DNAH9: variants seen among roughly 807,000 people sequenced by gnomAD.
DNAH9 encodes the protein dynein axonemal heavy chain 9.
A neutral mutation model predicts 471.6 loss-of-function variants in DNAH9; 345 were observed. That is an observed-to-expected ratio of 0.73 (90% confidence interval 0.67 to 0.80). DNAH9 has a LOEUF of 0.80. Ranked by LOEUF, DNAH9 falls within the 30% of genes least tolerant of loss-of-function variation. The pLI is 0.00. For missense variants in DNAH9, 5,407 were observed against 5,609.2 expected (o/e 0.96, Z 1.15); for synonymous variants, 2,093 against 2,123.6 (o/e 0.99, Z 0.40).
intron 22 of DNAH9, among the ~76,000 whole-genome samples, chr17:11,696,746 T>A (rs1260136228): frequency 6.6e-6 from 1 of 152,212 alleles, no homozygotes; most frequent in African/African-American, 2.4e-5. Context: ...TCCAAAGTAG[T>A]CCAGGTGTGG....
chr17:11,696,928 G>A (rs9904296), intron 22 of DNAH9, among the ~76,000 whole-genome samples: 2,509 of 152,026 alleles, frequency 0.017, 77 homozygotes, highest in African/African-American at 0.056. Context: ...GGAGTGCAGT[G>A]GCATGATCAT....
At chr17:11,953,284 ACTCAGT>A (rs1206979835) in intron 67 of DNAH9, among the ~76,000 whole-genome samples, 1 of 151,884 alleles carries the variant, frequency 6.6e-6, no homozygotes, top group African/African-American at 2.4e-5. Flanking sequence ...CTGTACCCAG[ACTCAGT>A]GGTTCTACCA....
intron 49 of DNAH9, among the ~76,000 whole-genome samples, chr17:11,844,558 A>G (rs917727983): frequency 6.6e-6 from 1 of 151,962 alleles, no homozygotes; most frequent in Non-Finnish European, 1.5e-5. Context: ...GGCGCACACC[A>G]CCATGCCCGA....
At chr17:11,628,770 C>T (rs2073013452) in intron 6 of DNAH9, among the ~76,000 whole-genome samples, 1 of 152,182 alleles carries the variant, frequency 6.6e-6, no homozygotes, top group African/African-American at 2.4e-5. Flanking sequence ...AGCGATAAAG[C>T]TACCAATTAT....
chr17:11,619,560 C>T lies in DNAH9; in HGVS notation c.1129C>T (p.Leu377Phe), dbSNP rs2072811842. 1 of 1,611,462 alleles carries T rather than the reference C, an allele frequency of 6.2e-7. No homozygotes were observed. The highest frequency in any genetic ancestry group is 2.2e-5 in the East Asian group (1 of 44,874). The change falls in exon 6 of 69, where the codon CTC (leucine) becomes TTC (phenylalanine). Residue 377 changes from leucine (L) to phenylalanine (F), a missense_variant. Around this residue, in one of 3 missense-constraint regions of DNAH9, gnomAD observed 767 missense variants for 692.5 expected, o/e 1.11. Coordinates refer to ENST00000262442, the MANE Select transcript of DNAH9 (RefSeq NM_001372.4). ...GTTTGTATACCAGGCCTCTAATTATCTCAGCCCAGAAGACCTGCTGAGAAG... is the reference window on the plus strand; with the variant it reads ...GTTTGTATACCAGGCCTCTAATTATTTCAGCCCAGAAGACCTGCTGAGAAG... The part of the protein sequence containing the change: ...NLLIQQASNY[L>F]SPEDLLRSEV...
chr17:11,635,828 T>C (rs2073153696), intron 8 of DNAH9, among the ~76,000 whole-genome samples: 1 of 152,134 alleles, frequency 6.6e-6, no homozygotes, highest in Admixed American at 6.5e-5. Context: ...CAGAGAAAGG[T>C]CAGCATCACT....
At chr17:11,818,671 T>C (rs1467357126) in intron 45 of DNAH9, among the ~76,000 whole-genome samples, 1 of 152,140 alleles carries the variant, frequency 6.6e-6, no homozygotes, top group Non-Finnish European at 1.5e-5. Flanking sequence ...AGACTTGTTC[T>C]AGAAATGGGA....
At chr17:11,871,060 T>C (rs1972244529) in intron 51 of DNAH9, among the ~76,000 whole-genome samples, 1 of 152,154 alleles carries the variant, frequency 6.6e-6, no homozygotes, top group Non-Finnish European at 1.5e-5. Context: ...AGGGAGACTG[T>C]ACCAACCCAA....
chr17:11,891,366 G>T (rs1020374127), intron 57 of DNAH9, among the ~76,000 whole-genome samples: 23 of 151,730 alleles, frequency 1.5e-4, no homozygotes, highest in African/African-American at 5.3e-4. Context: ...GGTTTTTTTT[G>T]TTTGTTTGTT....
chr17:11,799,357 T>C (rs775438324), intron 43 of DNAH9, among the ~76,000 whole-genome samples: 19 of 150,992 alleles, frequency 1.3e-4, no homozygotes, highest in Non-Finnish European at 2.4e-4. Flanking sequence ...TTTTAAAAAT[T>C]TTATTTTATT....
At position 11,690,014 on chromosome 17, in the gene DNAH9, AC is replaced by A. The variant is rs757050909; in HGVS notation, c.4193del (p.Thr1398IlefsTer8). On this transcript the variant is annotated frameshift_variant, in exon 20 of 69. Coordinates refer to ENST00000262442, the MANE Select transcript of DNAH9 (RefSeq NM_001372.4). LOFTEE classifies it high-confidence loss of function. Reference protein sequence around the residue: ...QLMQATGVSFTMDQDTTLAHL... With the variant: ...QLMQATGVSFXMDQDTTLAHL... ...GATGCAGGCCACCGGTGTGAGCTTC[AC>A]TATGGACCAGGACACCACCCTAGCG... 1 of 1,614,194 alleles carries A rather than the reference AC, an allele frequency of 6.2e-7. No homozygotes were observed. The highest frequency in any genetic ancestry group is 1.7e-5 in the Admixed American group (1 of 60,030).
chr17:11,954,884 G>C (rs973722434), intron 67 of DNAH9, among the ~76,000 whole-genome samples: 21 of 151,972 alleles, frequency 1.4e-4, no homozygotes, highest in African/African-American at 5.1e-4. Context: ...GTAAATATGT[G>C]AGTAATATGA....
At chr17:11,780,933 C>T in intron 38 of DNAH9, 76 bp from the exon 39 acceptor site, 1 of 1,485,054 alleles carries the variant, frequency 6.7e-7, no homozygotes, top group South Asian at 1.3e-5. Context: ...ATTGCTTCTC[C>T]TTGAAATCTT....
intron 49 of DNAH9, among the ~76,000 whole-genome samples, chr17:11,835,756 C>T (rs1046414175): frequency 1.3e-5 from 2 of 152,130 alleles, no homozygotes; most frequent in African/African-American, 4.8e-5. Context: ...TGCCTTCTCC[C>T]GAGAGTCTGG....
chr17:11,876,039 G>C (rs772731939), intron 53 of DNAH9, among the ~76,000 whole-genome samples: 7 of 152,168 alleles, frequency 4.6e-5, no homozygotes, highest in Non-Finnish European at 7.3e-5. Context: ...TTAATAACCA[G>C]TAAGGTTATT....
chr17:11,936,321 C>T (rs1974711544), intron 65 of DNAH9, among the ~76,000 whole-genome samples: 1 of 152,094 alleles, frequency 6.6e-6, no homozygotes, highest in African/African-American at 2.4e-5. Flanking sequence ...GTATAAAGAG[C>T]CATGAAGAGG....
At chr17:11,844,282 AG>A (rs1971137643) in intron 49 of DNAH9, among the ~76,000 whole-genome samples, 1 of 152,194 alleles carries the variant, frequency 6.6e-6, no homozygotes, top group African/African-American at 2.4e-5. Flanking sequence ...TGCATTAAAT[AG>A]AAGTTTAATA....
chr17:11,790,575 C>A (rs187789487), intron 41 of DNAH9, among the ~76,000 whole-genome samples: 257 of 152,102 alleles, frequency 1.7e-3, no homozygotes, highest in Admixed American at 3.1e-3. Flanking sequence ...AGGTATATCT[C>A]CCATAAGCAG....
At chr17:11,823,667 C>G (rs1316213145) in intron 48 of DNAH9, among the ~76,000 whole-genome samples, 1 of 152,174 alleles carries the variant, frequency 6.6e-6, no homozygotes, top group East Asian at 1.9e-4. Flanking sequence ...CACGGTGGCT[C>G]ACGCCTGTAA....
Sources: gnomAD v4.1 joint callset for allele counts (sites outside exome capture counted in the v4.1 genomes callset) on GRCh38, gnomAD v4.1.1 for gene constraint, gnomAD v4.1.1 regional missense constraint, MANE v1.5 for transcripts, NCBI Gene and HGNC (gene_info 2026-07-23, HGNC 2026-07-21) for gene names.